Variants in HDGFL3 observed in about 807,000 individuals in gnomAD.
The protein encoded by HDGFL3 is HDGF like 3, also known as hepatoma-derived growth factor-related protein 3.
Under a neutral mutation model 27.6 loss-of-function variants are expected in HDGFL3, and 6 were observed. That is an observed-to-expected ratio of 0.22 (90% CI 0.12 to 0.43). The LOEUF (loss-of-function observed/expected upper bound fraction) is 0.43. Ranked by LOEUF, HDGFL3 falls within the 20% of genes least tolerant of loss-of-function variation. The probability of loss-of-function intolerance (pLI) is 1.00; values close to 1 mark genes in which losing one functional copy is unlikely to be tolerated. For missense variants in HDGFL3, 207 were observed against 250.1 expected (o/e 0.83, Z 1.16); for synonymous variants, 88 against 88.9 (o/e 0.99, Z 0.05).
chr15:83,138,060 G>C lies in HDGFL3; in HGVS notation c.*1210C>G, dbSNP rs1443320784. On this transcript the variant is annotated 3_prime_UTR_variant, in exon 6 of 6. Transcript: ENST00000299633. ...TCACCTGCACTTGATTCTATTGTCA[G>C]CTTGCTGTGAACAATTTTTGCTTTA... The C allele has an allele frequency of 6.6e-6, 1 of 151,666 alleles. No homozygotes were observed. The highest frequency in any genetic ancestry group is 1.9e-4 in the East Asian group (1 of 5,174). The allele number at this position is 151,666 out of a possible 1,614,324, so 9.4% of individuals were successfully genotyped here.
At position 83,200,299 on chromosome 15, in the gene HDGFL3, C is replaced by CA. The variant is rs1442601531; in HGVS notation, c.84+7031dup. Among the ~76,000 whole-genome samples, 68 of 151,382 alleles carry CA rather than the reference C, an allele frequency of 4.5e-4. 1 individual carries two copies. The highest frequency in any genetic ancestry group is 1.6e-3 in the African/African-American group (64 of 41,212). ...GCAGTGAGCGGAGATCCCGCCACTGCACTCCAGCCTTCATGACAGAGCAAG... is the reference window on the plus strand; with the variant it reads ...GCAGTGAGCGGAGATCCCGCCACTGCAACTCCAGCCTTCATGACAGAGCAAG... On this transcript the variant is annotated intron_variant, in intron 1 of 5. Transcript: ENST00000299633.
chr15:83,200,238 C>A (rs372032680), intron 1 of HDGFL3, among the ~76,000 whole-genome samples: 1 of 149,582 alleles, frequency 6.7e-6, no homozygotes, highest in Non-Finnish European at 1.5e-5. Context: ...CCTAGCTACT[C>A]GGGAGGCTGA....
At chr15:83,165,255 T>C (rs1596554639) in intron 1 of HDGFL3, among the ~76,000 whole-genome samples, 1 of 152,342 alleles carries the variant, frequency 6.6e-6, no homozygotes, top group East Asian at 1.9e-4. Context: ...GCAAGATCTA[T>C]GTACAAGTCT....
rs1375984187 is a variant in HDGFL3 at position 83,158,009 on chromosome 15, T to A, written c.194A>T (p.Tyr65Phe). 6.2e-7 allele frequency: 1 copy of A among 1,611,684 alleles called. No homozygotes were observed. Among genetic ancestry groups the A allele is most frequent in the Non-Finnish European group, 8.5e-7 (1 of 1,178,552 alleles). Residue 65 changes from tyrosine (Y) to phenylalanine (F), a missense_variant, in exon 3 of 6, where the codon TAT (tyrosine) becomes TTT (phenylalanine). Coordinates refer to ENST00000299633, the MANE Select transcript of HDGFL3 (RefSeq NM_016073.4). ...TCCAAACTTGTCTTTGTACTCCTTA[T>A]ATGGAAAAAGGTCTTTGGGACCTAG... ...AFLGPKDLFP[Y>F]KEYKDKFGKS...
chr15:83,139,178 T>A lies in HDGFL3; in HGVS notation c.*92A>T. 3.9e-6 allele frequency: 3 copies of A among 767,514 alleles called. No individual in the cohort carries two copies. The highest frequency in any genetic ancestry group is 5.8e-6 in the Non-Finnish European group (3 of 518,500). 47.5% of individuals were successfully genotyped at this position (767,514 alleles called of 1,614,324 possible). On this transcript the variant is annotated 3_prime_UTR_variant, in exon 6 of 6. Transcript: ENST00000299633. ...GTTCTGTCAATGACAACAAGGACTA[T>A]GTGTTGGTTCATATCAAATCCAAGA...
intron 3 of HDGFL3, among the ~76,000 whole-genome samples, chr15:83,118,234 C>T (rs576730971): frequency 0.01 from 858 of 84,164 alleles, 7 homozygotes; most frequent in African/African-American, 0.044. Context: ...TGTACGTACA[C>T]ACACACACAC....
chr15:83,149,779 A>G (rs945414336), intron 5 of HDGFL3, among the ~76,000 whole-genome samples: 12 of 152,186 alleles, frequency 7.9e-5, no homozygotes, highest in African/African-American at 2.4e-4. Context: ...AGGGTAAAAT[A>G]TAAGATGGAA....
chr15:83,188,528 A>G (rs2037473287), intron 1 of HDGFL3, among the ~76,000 whole-genome samples: 1 of 152,172 alleles, frequency 6.6e-6, no homozygotes, highest in South Asian at 2.1e-4. Flanking sequence ...GGATTACAGT[A>G]TTTTTTAAAA....
intron 1 of HDGFL3, among the ~76,000 whole-genome samples, chr15:83,177,796 G>C (rs1167191225): frequency 6.6e-6 from 1 of 152,166 alleles, no homozygotes; most frequent in African/African-American, 2.4e-5. Flanking sequence ...GCACGTTCAT[G>C]AACTTTACTG....
At chr15:83,178,025 A>C (rs1701359140) in intron 1 of HDGFL3, among the ~76,000 whole-genome samples, 1 of 152,214 alleles carries the variant, frequency 6.6e-6, no homozygotes, top group South Asian at 2.1e-4. Context: ...GTTTCTTTCA[A>C]AATGCGCAAG....
At chr15:83,165,815 A>G (rs1280169338) in intron 1 of HDGFL3, among the ~76,000 whole-genome samples, 1 of 150,520 alleles carries the variant, frequency 6.6e-6, no homozygotes, top group Non-Finnish European at 1.5e-5. Context: ...AAAAAAAAAA[A>G]AAAAAAGAAA....
chr15:83,119,907 T>G, intron 3 of HDGFL3: 2 of 468,700 alleles, frequency 4.3e-6, no homozygotes, highest in Non-Finnish European at 7.4e-6. Flanking sequence ...GCAGACCCTT[T>G]AAGCTTTCTG....
At chr15:83,121,902 T>G (rs199932062) in intron 3 of HDGFL3, 18 of 1,573,058 alleles carry the variant, frequency 1.1e-5, no homozygotes, top group South Asian at 3.6e-5. Flanking sequence ...TCAAGATTTT[T>G]TTGTTGTTGT....
At chr15:83,182,370 G>A (rs1250621754) in intron 1 of HDGFL3, among the ~76,000 whole-genome samples, 1 of 152,176 alleles carries the variant, frequency 6.6e-6, no homozygotes, top group Non-Finnish European at 1.5e-5. Context: ...ACAAAGATTT[G>A]TACAAGGTTG....
Position 83,188,492 on chromosome 15 carries a change from C to T in HDGFL3, c.84+18839G>A, listed in dbSNP as rs187458171. Among the ~76,000 whole-genome samples the T allele has an allele frequency of 1.2e-4, 18 of 152,248 alleles. No homozygotes were observed. In the East Asian group the frequency reaches 1.5e-3, roughly 13 times the overall value. ...GTTGAACTCCTGACCTCAGATGATC[C>T]GCCTACCTTGGCCTCCCAAAACCTG... On this transcript the variant is annotated intron_variant, in intron 1 of 5. Coordinates refer to ENST00000299633, the MANE Select transcript of HDGFL3 (RefSeq NM_016073.4).
At chr15:83,169,854 A>G (rs1365426882) in intron 1 of HDGFL3, among the ~76,000 whole-genome samples, 1 of 152,170 alleles carries the variant, frequency 6.6e-6, no homozygotes, top group Non-Finnish European at 1.5e-5. Context: ...CTGGTAACTG[A>G]CAAATGACTT....
chr15:83,188,139 T>C (rs1028422617), intron 1 of HDGFL3, among the ~76,000 whole-genome samples: 9 of 152,254 alleles, frequency 5.9e-5, no homozygotes, highest in Non-Finnish European at 1.0e-4. Context: ...AAATTTGTAT[T>C]TCCCTCATTA....
chr15:83,120,466 C>A (rs1399886912), intron 3 of HDGFL3, among the ~76,000 whole-genome samples: 1 of 152,184 alleles, frequency 6.6e-6, no homozygotes, highest in Admixed American at 6.5e-5. Flanking sequence ...TCTTCTCAGG[C>A]CTCCACTTGC....
chr15:83,157,325 T>G (rs769749553), intron 4 of HDGFL3, 90 bp downstream of exon 4: 8 of 1,278,820 alleles, frequency 6.3e-6, no homozygotes, highest in South Asian at 2.4e-5. Flanking sequence ...AGTATATTTC[T>G]ATGTACCCAA....
Sources: gnomAD v4.1 joint callset for allele counts (sites outside exome capture counted in the v4.1 genomes callset) on GRCh38, gnomAD v4.1.1 for gene constraint, MANE v1.5 for transcripts, NCBI Gene and HGNC (gene_info 2026-07-23, HGNC 2026-07-21) for gene names.